Variants in EIF4H observed in about 807,000 individuals in gnomAD.
The protein encoded by EIF4H is Williams-Beuren syndrome chromosome region 1.
Under a neutral mutation model 30.6 loss-of-function variants are expected in EIF4H, and 8 were observed. The observed-to-expected ratio is 0.26, with a 90% CI of 0.15 to 0.47. The LOEUF (loss-of-function observed/expected upper bound fraction) is 0.47, where lower values mean the gene tolerates loss of function less well. Ranked by LOEUF, EIF4H falls within the 20% of genes least tolerant of loss-of-function variation. The pLI is 0.99. For missense variants in EIF4H, 188 were observed against 339.5 expected, an observed-to-expected ratio of 0.55 and a Z score of 3.51; for synonymous variants, 106 against 122.7, an observed-to-expected ratio of 0.86 and a Z score of 0.90.
chr7:74,190,031 C>T (rs1223400212), intron 4 of EIF4H, 113 bp downstream of exon 4: 6 of 1,289,006 alleles, frequency 4.7e-6, no homozygotes, highest in Non-Finnish European at 5.3e-6. Flanking sequence ...GATAGGTTCT[C>T]GTGAGCTCTT....
chr7:74,191,833 G>A (rs1584186529), intron 5 of EIF4H, among the ~76,000 whole-genome samples: 1 of 152,018 alleles, frequency 6.6e-6, no homozygotes, highest in Non-Finnish European at 1.5e-5. Context: ...AGGCTGGAGT[G>A]CAGTGGTGCG....
At chr7:74,175,945 T>C (rs1800829392) in intron 1 of EIF4H, among the ~76,000 whole-genome samples, 2 of 152,116 alleles carry the variant, frequency 1.3e-5, no homozygotes, top group Non-Finnish European at 2.9e-5. Flanking sequence ...CAATCAGAAG[T>C]AAAATTCTAT....
At chr7:74,195,034 C>A in intron 6 of EIF4H, 135 bp from the exon 7 acceptor site, 1 of 1,513,396 alleles carries the variant, frequency 6.6e-7, no homozygotes, top group Non-Finnish European at 8.9e-7. Context: ...GTCATTAGAG[C>A]ATCTGCTGTT....
At position 74,196,349 on chromosome 7, in the gene EIF4H, T is replaced by C. The variant is rs1801352047; in HGVS notation, c.*1041T>C. 1 of 152,700 alleles carries C rather than the reference T, an allele frequency of 6.5e-6. No individual in the cohort carries two copies. Among genetic ancestry groups the C allele is most frequent in the African/African-American group, 2.4e-5 (1 of 41,468 alleles). 9.5% of individuals were successfully genotyped at this position (152,700 alleles called of 1,614,324 possible). A position where few individuals can be genotyped will look rare whatever the true frequency, so the allele number is the denominator to read the frequency against. ...CTTCAGTTCAGAGCCAAAATGGGTC[T>C]AGAATCTGGCACTTTACTCATTTCC... On this transcript the variant is annotated 3_prime_UTR_variant, in exon 7 of 7. Transcript: ENST00000265753.
At chr7:74,177,413 C>T (rs1370160870) in intron 1 of EIF4H, among the ~76,000 whole-genome samples, 1 of 152,128 alleles carries the variant, frequency 6.6e-6, no homozygotes, top group African/African-American at 2.4e-5. Flanking sequence ...TGAGTGTATT[C>T]GTAATGTATA....
chr7:74,184,043 C>T (rs190034695), intron 1 of EIF4H: 4 of 152,286 alleles, frequency 2.6e-5, no homozygotes, highest in African/African-American at 9.6e-5. Context: ...TTGTGAGGCA[C>T]GAGTGAGTTG....
At chr7:74,187,513 C>G in intron 1 of EIF4H, 98 bp from the exon 2 acceptor site, 1 of 1,269,358 alleles carries the variant, frequency 7.9e-7, no homozygotes, top group Non-Finnish European at 1.1e-6. Flanking sequence ...GAGTGCCTCA[C>G]CTGGGGCGCT....
At chr7:74,190,381 C>G in intron 5 of EIF4H, 75 bp downstream of exon 5, 1 of 1,436,306 alleles carries the variant, frequency 7.0e-7, no homozygotes. Flanking sequence ...TTACGAGTAG[C>G]CCGCCTGGCC....
At chr7:74,185,181 T>TG (rs1357404125) in intron 1 of EIF4H, among the ~76,000 whole-genome samples, 5 of 151,358 alleles carry the variant, frequency 3.3e-5, no homozygotes, top group African/African-American at 7.3e-5. Context: ...TTTATAGAGA[T>TG]GGGGTCTTAC....
intron 1 of EIF4H, 111 bp from the exon 2 acceptor site, chr7:74,187,500 G>T: frequency 1.8e-6 from 2 of 1,121,042 alleles, no homozygotes; most frequent in Admixed American, 2.7e-5. Flanking sequence ...GGTACATCGA[G>T]CAGAGTGCCT....
At position 74,195,496 on chromosome 7, in the gene EIF4H, A is replaced by T; in HGVS notation, c.*188A>T. ...TTTAGTACATTCTGGGCTTTGCTGT[A>T]TCTATCTAGTGCCTGTTTGTGCGTT... On this transcript the variant is annotated 3_prime_UTR_variant, in exon 7 of 7. Coordinates refer to ENST00000265753, the MANE Select transcript of EIF4H (RefSeq NM_022170.2). The T allele has an allele frequency of 1.7e-6, 1 of 589,864 alleles. No homozygotes were observed. Among genetic ancestry groups the T allele is most frequent in the Middle Eastern group, 4.7e-4 (1 of 2,108 alleles). The allele number at this position is 589,864 out of a possible 1,614,324, so 36.5% of individuals were successfully genotyped here.
At chr7:74,175,768 C>T (rs1281320463) in intron 1 of EIF4H, among the ~76,000 whole-genome samples, 2 of 150,640 alleles carry the variant, frequency 1.3e-5, no homozygotes, top group Non-Finnish European at 2.9e-5. Context: ...CACAGAAGTA[C>T]CCAGAAAAAT....
At chr7:74,181,902 A>C (rs1554708451) in intron 1 of EIF4H, among the ~76,000 whole-genome samples, 1 of 151,912 alleles carries the variant, frequency 6.6e-6, no homozygotes, top group Non-Finnish European at 1.5e-5. Context: ...CTGTTAGTAG[A>C]GATGGGGTTT....
chr7:74,191,275 T>G (rs782562800), intron 5 of EIF4H: 4 of 533,412 alleles, frequency 7.5e-6, no homozygotes, highest in South Asian at 5.6e-5. Context: ...TAAGCTAGTC[T>G]CTGATTGAAA....
chr7:74,189,148 T>C (rs569057470), intron 2 of EIF4H, among the ~76,000 whole-genome samples: 1 of 152,280 alleles, frequency 6.6e-6, no homozygotes, highest in East Asian at 1.9e-4. Flanking sequence ...CAGTAACAGG[T>C]ACTTGGACCC....
intron 1 of EIF4H, among the ~76,000 whole-genome samples, chr7:74,175,244 C>G (rs1175201191): frequency 4.6e-5 from 7 of 152,188 alleles, no homozygotes; most frequent in Admixed American, 4.6e-4. Flanking sequence ...ATAGAGAGCT[C>G]ATGGTGTTTA....
rs556829679 is a variant in EIF4H at position 74,180,421 on chromosome 7, C to T, written c.59+5979C>T. Among the ~76,000 whole-genome samples, 7 of 152,214 alleles carry T rather than the reference C, an allele frequency of 4.6e-5. No individual in the cohort carries two copies. The East Asian group carries it at 1.2e-3, about 25-fold the overall frequency. ...ACATAGGGTACTAAAAAGTGGGTCA[C>T]GATTCATTTTTACTGCTTTACCAAG... On this transcript the variant is annotated intron_variant, in intron 1 of 6. Coordinates refer to ENST00000265753, the MANE Select transcript of EIF4H (RefSeq NM_022170.2).
At chr7:74,186,318 A>G (rs962468868) in intron 1 of EIF4H, among the ~76,000 whole-genome samples, 4 of 150,270 alleles carry the variant, frequency 2.7e-5, no homozygotes, top group Non-Finnish European at 4.4e-5. Context: ...GGTTCAAGCG[A>G]TTCTCCTGCC....
intron 1 of EIF4H, among the ~76,000 whole-genome samples, chr7:74,177,241 G>T (rs1264328973): frequency 3.3e-5 from 5 of 152,118 alleles, no homozygotes; most frequent in African/African-American, 9.7e-5. Context: ...GAGCTACCAC[G>T]CCCAGCCTAG....
Sources: allele counts gnomAD v4.1 joint callset (sites outside exome capture counted in the v4.1 genomes callset), GRCh38; gene constraint gnomAD v4.1.1; transcripts MANE v1.5; gene names NCBI Gene and HGNC (gene_info 2026-07-23, HGNC 2026-07-21).